Variants in KLF17 observed in about 807,000 individuals in gnomAD.
The protein encoded by KLF17 is Krueppel-like factor 17.
KLF17 carries 31 observed loss-of-function variants against 34.2 expected under a neutral mutation model. The ratio of observed to expected loss-of-function variants is 0.91; its 90% CI spans 0.68 to 1.22. The LOEUF (loss-of-function observed/expected upper bound fraction) is 1.22. KLF17 is among the 50% of genes most tolerant of loss of function. KLF17 has a pLI of 0.00. For synonymous variants in KLF17, 179 were observed against 186.7 expected (o/e 0.96, Z 0.34); for missense variants, 478 against 505.2 (o/e 0.95, Z 0.52).
chr1:44,126,150 A>C (rs1014693918), intron 1 of KLF17, among the ~76,000 whole-genome samples: 1 of 152,064 alleles, frequency 6.6e-6, no homozygotes, highest in Non-Finnish European at 1.5e-5. Flanking sequence ...CAGCCTCCTG[A>C]GTAGCTGGGA....
the KLF17 span, among the ~76,000 whole-genome samples, chr1:44,100,273 AG>A: frequency 0.28 from 40,364 of 143,820 alleles, 5,811 homozygotes; most frequent in South Asian, 0.33. Flanking sequence ...AAAAAAAAAA[AG>A]AGAGAGAGAG....
the KLF17 span, among the ~76,000 whole-genome samples, chr1:44,085,748 G>A: frequency 7.2e-6 from 1 of 137,982 alleles, no homozygotes; most frequent in Admixed American, 8.3e-5. Context: ...AGACTGCAAT[G>A]AGCTATGATC....
chr1:44,090,306 CAAAAAAAAAAAAA>C, the KLF17 span, among the ~76,000 whole-genome samples: 9 of 23,408 alleles, frequency 3.8e-4, no homozygotes, highest in Non-Finnish European at 4.9e-4. Flanking sequence ...CTTGTCTCTA[CAAAAAAAAAAAAA>C]AAAAAAAAAA....
the KLF17 span, among the ~76,000 whole-genome samples, chr1:44,049,047 C>T: frequency 2.6e-5 from 4 of 152,172 alleles, no homozygotes; most frequent in Non-Finnish European, 5.9e-5. Context: ...TCTCACAATT[C>T]TGGAGCCTGG....
chr1:44,054,100 A>C, the KLF17 span, among the ~76,000 whole-genome samples: 1 of 152,226 alleles, frequency 6.6e-6, no homozygotes, highest in Non-Finnish European at 1.5e-5. Flanking sequence ...GCTCTATTTC[A>C]GGGCCGTTTT....
At chr1:44,046,135 A>G in the KLF17 span, 2 of 141,866 alleles carry the variant, frequency 1.4e-5, no homozygotes, top group Admixed American at 1.4e-4. Flanking sequence ...AAAGGATAAT[A>G]ATAATAATAA....
chr1:44,111,017 C>G, the KLF17 span, among the ~76,000 whole-genome samples: 1 of 152,022 alleles, frequency 6.6e-6, no homozygotes, highest in Non-Finnish European at 1.5e-5. Flanking sequence ...GACAAGGTCT[C>G]TCTCTGCCAC....
At chr1:44,130,858 G>A (rs1313092114) in intron 3 of KLF17, 102 bp downstream of exon 3, 8 of 1,171,362 alleles carry the variant, frequency 6.8e-6, no homozygotes, top group South Asian at 4.4e-5. Flanking sequence ...GTGCAGTGGC[G>A]CAATTCGGTT....
intron 3 of KLF17, 100 bp downstream of exon 3, chr1:44,130,856 G>A (rs2088100954): frequency 1.9e-5 from 22 of 1,186,012 alleles, no homozygotes; most frequent in Non-Finnish European, 2.4e-5. Flanking sequence ...GAGTGCAGTG[G>A]CGCAATTCGG....
chr1:44,060,946 C>T, the KLF17 span, among the ~76,000 whole-genome samples: 1 of 152,196 alleles, frequency 6.6e-6, no homozygotes, highest in East Asian at 1.9e-4. Context: ...GAGCAAGCTA[C>T]CTGGTTACGT....
chr1:44,092,770 G>A, the KLF17 span, among the ~76,000 whole-genome samples: 1 of 151,434 alleles, frequency 6.6e-6, no homozygotes, highest in Non-Finnish European at 1.5e-5. Flanking sequence ...CAATATATGT[G>A]ACTTGAGTGA....
chr1:44,102,565 T>TACACAC, the KLF17 span, among the ~76,000 whole-genome samples: 1,042 of 89,112 alleles, frequency 0.012, 21 homozygotes, highest in East Asian at 0.096. Context: ...CACATACACA[T>TACACAC]ACACACACAC....
At chr1:44,104,406 C>A in the KLF17 span, 1 of 939,362 alleles carries the variant, frequency 1.1e-6, no homozygotes. Flanking sequence ...CAGGAGGCTC[C>A]ACTTCGTCTC....
At chr1:44,107,885 T>A in the KLF17 span, among the ~76,000 whole-genome samples, 1 of 152,198 alleles carries the variant, frequency 6.6e-6, no homozygotes, top group Non-Finnish European at 1.5e-5. Context: ...AAACACAGCA[T>A]ATATAGGGTC....
At chr1:44,119,879 C>T (rs1403455622) in intron 1 of KLF17, among the ~76,000 whole-genome samples, 2 of 152,144 alleles carry the variant, frequency 1.3e-5, no homozygotes, top group African/African-American at 2.4e-5. Context: ...CAAAGGAGTG[C>T]CCTGGTGGAT....
At chr1:44,095,864 T>C in the KLF17 span, among the ~76,000 whole-genome samples, 2 of 152,128 alleles carry the variant, frequency 1.3e-5, no homozygotes, top group Admixed American at 6.6e-5. Context: ...AAAGTTTGTA[T>C]GCTGATTTTA....
intron 3 of KLF17, among the ~76,000 whole-genome samples, chr1:44,132,535 C>T (rs377035608): frequency 1.1e-4 from 17 of 152,148 alleles, no homozygotes; most frequent in Non-Finnish European, 4.4e-5. Context: ...CATCACCTTA[C>T]GTTACTTCCC....
the KLF17 span, among the ~76,000 whole-genome samples, chr1:44,080,713 A>ATTTTTTTTTTTTT: frequency 1.1e-5 from 1 of 92,674 alleles, no homozygotes; most frequent in Non-Finnish European, 2.0e-5. Context: ...ATTATATTGA[A>ATTTTTTTTTTTTT]TTTTTTTTTT....
intron 1 of KLF17, among the ~76,000 whole-genome samples, chr1:44,127,591 T>A (rs961346069): frequency 9.4e-5 from 14 of 149,556 alleles, no homozygotes; most frequent in Admixed American, 6.0e-4. Flanking sequence ...CCCGCCTCGG[T>A]GGATCTTTCC....
Sources: gnomAD v4.1 joint callset for allele counts (sites outside exome capture counted in the v4.1 genomes callset) on GRCh38, gnomAD v4.1.1 for gene constraint, MANE v1.5 for transcripts, NCBI Gene and HGNC (gene_info 2026-07-23, HGNC 2026-07-21) for gene names.